Variants in NLRC5 observed in about 807,000 individuals in gnomAD.
NLRC5 encodes the protein NLR family CARD domain containing 5.
A neutral mutation model predicts 206.9 loss-of-function variants in NLRC5; 114 were observed. The ratio of observed to expected loss-of-function variants is 0.55; its 90% CI spans 0.47 to 0.64. NLRC5 has a LOEUF of 0.64. Among genes scored for constraint, NLRC5 ranks in the 30% least tolerant of loss-of-function variants. The pLI is 0.00. For missense variants in NLRC5, 2,008 were observed against 2,305.5 expected, an observed-to-expected ratio of 0.87 and a Z score of 2.64; for synonymous variants, 952 against 962.8, an observed-to-expected ratio of 0.99 and a Z score of 0.21.
intron 38 of NLRC5, chr16:57,074,361 AGTCTTG>A: frequency 5.0e-6 from 2 of 402,466 alleles, no homozygotes; most frequent in Non-Finnish European, 9.3e-6. Flanking sequence ...ACGGATCATT[AGTCTTG>A]GTCCATGTGG....
At chr16:57,003,827 G>C (rs985814609) in intron 1 of NLRC5, 7 of 152,104 alleles carry the variant, frequency 4.6e-5, no homozygotes, top group African/African-American at 1.7e-4. Flanking sequence ...TGCTTCTAGG[G>C]ACCTGACCTA....
chr16:57,071,980 T>C (rs1307417557), intron 38 of NLRC5, among the ~76,000 whole-genome samples: 1 of 152,066 alleles, frequency 6.6e-6, no homozygotes, highest in East Asian at 1.9e-4. Flanking sequence ...CCTTTTACTT[T>C]CTATTCTGGA....
chr16:57,033,723 C>A, intron 12 of NLRC5, 54 bp downstream of exon 12: 1 of 1,541,444 alleles, frequency 6.5e-7, no homozygotes, highest in South Asian at 1.1e-5. Flanking sequence ...GGGGGAAAGT[C>A]CGAGGCAAGG....
intron 23 of NLRC5, among the ~76,000 whole-genome samples, chr16:57,051,115 TC>T (rs2064840513): frequency 6.6e-6 from 1 of 152,210 alleles, no homozygotes; most frequent in Non-Finnish European, 1.5e-5. Context: ...CACCTCAGCC[TC>T]CCAAAGTGCT....
intron 1 of NLRC5, among the ~76,000 whole-genome samples, chr16:57,000,406 G>A (rs868813014): frequency 3.4e-4 from 52 of 152,212 alleles, no homozygotes; most frequent in African/African-American, 1.2e-3. Flanking sequence ...GACCCAGATT[G>A]CTGGGTTTCC....
intron 1 of NLRC5, among the ~76,000 whole-genome samples, chr16:56,996,919 G>C (rs1297986798): frequency 1.3e-5 from 2 of 152,098 alleles, no homozygotes; most frequent in African/African-American, 4.8e-5. Context: ...GCCCACACTG[G>C]AGTGCAGTAG....
At chr16:57,077,678 A>G in intron 41 of NLRC5, 41 bp from the exon 42 acceptor site, 1 of 1,523,968 alleles carries the variant, frequency 6.6e-7, no homozygotes, top group Non-Finnish European at 8.8e-7. Flanking sequence ...TGTCGGGGAG[A>G]GGGGGCATCA....
Position 57,074,591 on chromosome 16 carries a change from C to T in NLRC5, c.4668-9C>T. 1.2e-6 allele frequency: 2 copies of T among 1,613,770 alleles called. No homozygotes were observed. The highest frequency in any genetic ancestry group is 1.7e-6 in the Non-Finnish European group (2 of 1,179,666). The stretch of plus-strand genomic sequence containing the variant: ...AGATGTCAAGTTCACCTGGCCTCCT[C>T]TTCTCCAGCCTCAGTCACCTTCTGC... On this transcript the variant is annotated splice_polypyrimidine_tract_variant and intron_variant, in intron 38 of 48. Transcript: ENST00000688547.
intron 36 of NLRC5, 132 bp from the exon 37 acceptor site, chr16:57,069,704 G>A (rs1199123977): frequency 7.1e-6 from 5 of 708,308 alleles, no homozygotes; most frequent in African/African-American, 3.5e-5. Flanking sequence ...AGAGATTTAC[G>A]AAGGGAAGGA....
intron 5 of NLRC5, 63 bp downstream of exon 5, chr16:57,023,916 G>T (rs562072315): frequency 7.0e-7 from 1 of 1,425,788 alleles, no homozygotes; most frequent in African/African-American, 1.4e-5. Flanking sequence ...GCCAAGACCC[G>T]GACCCTGGAC....
At chr16:57,082,286 G>C in intron 48 of NLRC5, 131 bp from the exon 49 acceptor site, 3 of 663,356 alleles carry the variant, frequency 4.5e-6, no homozygotes, top group Non-Finnish European at 7.8e-6. Flanking sequence ...AGCTATGCTG[G>C]TCTAACACCT....
At chr16:57,076,997 A>C in intron 40 of NLRC5, 95 bp downstream of exon 40, 1 of 1,084,982 alleles carries the variant, frequency 9.2e-7, no homozygotes, top group Non-Finnish European at 1.4e-6. Context: ...TTGCTTCTTC[A>C]TCTCATCTCC....
intron 46 of NLRC5, 91 bp from the exon 47 acceptor site, chr16:57,081,007 C>A: frequency 8.4e-7 from 1 of 1,185,278 alleles, no homozygotes; most frequent in Non-Finnish European, 1.2e-6. Context: ...GCCCCCACGA[C>A]TGGCACCCTG....
intron 1 of NLRC5, among the ~76,000 whole-genome samples, chr16:57,002,416 G>A (rs2058365716): frequency 6.6e-6 from 1 of 152,172 alleles, no homozygotes; most frequent in Non-Finnish European, 1.5e-5. Flanking sequence ...CCACAGTGCT[G>A]GAATTACAGG....
intron 5 of NLRC5, 69 bp from the exon 6 acceptor site, chr16:57,025,299 C>A (rs577082429): frequency 4.7e-6 from 7 of 1,499,328 alleles, no homozygotes; most frequent in African/African-American, 1.4e-5. Flanking sequence ...CAGCCCAATA[C>A]TGGGGCAAGA....
Position 57,082,412 on chromosome 16 carries a change from C to T in NLRC5, c.5490-5C>T. The stretch of plus-strand genomic sequence containing the variant: ...TGAATGAGTGCCTATATCTGTGCCC[C>T]ACAGCCTCTGGAATAACCCCATTCC... On this transcript the variant is annotated splice_polypyrimidine_tract_variant and splice_region_variant and intron_variant, in intron 48 of 48. Transcript: ENST00000688547. 6.2e-7 allele frequency: 1 copy of T among 1,606,020 alleles called. No homozygotes were observed. Among genetic ancestry groups the T allele is most frequent in the Non-Finnish European group, 8.5e-7 (1 of 1,173,898 alleles).
Position 57,026,218 on chromosome 16 carries a change from A to T in NLRC5, c.1275A>T (p.Pro425=). Residue 425 remains proline, a synonymous_variant, in exon 6 of 49, where the codon CCA becomes CCT. Transcript: ENST00000688547. Reference sequence around the variant, plus strand: ...ACCATCTGCTTCCTGACCACGCCCCAGGCCAGTCTGTGGCCCTCCTGCCCA... The same window carrying T: ...ACCATCTGCTTCCTGACCACGCCCCTGGCCAGTCTGTGGCCCTCCTGCCCA... ...CLHHLLPDHA[P]GQSVALLPNM... 1 of 1,613,744 alleles carries T rather than the reference A, an allele frequency of 6.2e-7. No homozygotes were observed. Among genetic ancestry groups the T allele is most frequent in the South Asian group, 1.1e-5 (1 of 91,084 alleles).
At chr16:57,030,459 G>GATGGATGGATGA (rs2061723024) in intron 10 of NLRC5, among the ~76,000 whole-genome samples, 1 of 127,350 alleles carries the variant, frequency 7.9e-6, no homozygotes, top group South Asian at 3.0e-4. Context: ...TGGATGGATG[G>GATGGATGGATGA]ATGGATGAAA....
rs753901898 is a variant in NLRC5 at position 57,030,042 on chromosome 16, G to A, written c.2375G>A (p.Arg792Lys). Residue 792 changes from arginine to lysine, a missense_variant, in exon 10 of 49, where the codon AGG becomes AAG. Transcript: ENST00000688547. ...ICVSTLLCLA[R>K]VAVTCPTVRM... ...GTGTCAACCCTACTCTGCTTGGCAAGGGTGGCAGTCACGTGTCCTACCGTC... is the reference window on the plus strand; with the variant it reads ...GTGTCAACCCTACTCTGCTTGGCAAAGGTGGCAGTCACGTGTCCTACCGTC... The A allele has an allele frequency of 2.5e-6, 4 of 1,614,042 alleles. No homozygotes were observed. In the South Asian group the frequency reaches 3.3e-5, roughly 13 times the overall value.
Sources: allele counts gnomAD v4.1 joint callset (sites outside exome capture counted in the v4.1 genomes callset), GRCh38; gene constraint gnomAD v4.1.1; transcripts MANE v1.5; gene names NCBI Gene and HGNC (gene_info 2026-07-23, HGNC 2026-07-21).